Variants in AKAP19 observed in about 807,000 individuals in gnomAD.
The protein encoded by AKAP19 is small A-kinase anchoring protein.
the AKAP19 span, among the ~76,000 whole-genome samples, chr2:190,144,257 AAAAG>A: frequency 6.6e-6 from 1 of 151,096 alleles, no homozygotes; most frequent in African/African-American, 2.4e-5. Flanking sequence ...AGAAAAAAAA[AAAAG>A]AGTTTTTGAG....
the AKAP19 span, chr2:189,917,457 G>A: frequency 1.4e-6 from 1 of 706,196 alleles, no homozygotes; most frequent in Non-Finnish European, 2.5e-6. Flanking sequence ...ATGTTTTTCA[G>A]GAATTACTGG....
chr2:190,130,643 G>T, the AKAP19 span, among the ~76,000 whole-genome samples: 1 of 152,146 alleles, frequency 6.6e-6, no homozygotes, highest in Non-Finnish European at 1.5e-5. Context: ...TTAAAATAAA[G>T]CCTCCTGAGG....
chr2:190,189,480 T>C, the AKAP19 span, among the ~76,000 whole-genome samples: 7 of 151,994 alleles, frequency 4.6e-5, no homozygotes, highest in African/African-American at 1.7e-4. Flanking sequence ...GCAGATGTGA[T>C]AAGTAACTGA....
chr2:189,897,788 T>G, the AKAP19 span, among the ~76,000 whole-genome samples: 1 of 152,318 alleles, frequency 6.6e-6, no homozygotes, highest in Middle Eastern at 3.4e-3. Context: ...TTGTTTTGAA[T>G]AAACAAATAA....
At chr2:190,062,144 C>A in the AKAP19 span, 8 of 1,511,846 alleles carry the variant, frequency 5.3e-6, no homozygotes, top group Non-Finnish European at 7.3e-6. Context: ...TTTAAAAGAG[C>A]CTGAAAATAG....
the AKAP19 span, among the ~76,000 whole-genome samples, chr2:190,055,128 C>G: frequency 6.6e-6 from 1 of 152,066 alleles, no homozygotes; most frequent in African/African-American, 2.4e-5. Flanking sequence ...CACATATACA[C>G]CATGGAATAC....
the AKAP19 span, among the ~76,000 whole-genome samples, chr2:189,939,864 A>C: frequency 6.6e-6 from 1 of 152,186 alleles, no homozygotes; most frequent in Non-Finnish European, 1.5e-5. Context: ...ATACACAGTC[A>C]GTCAGGCATG....
chr2:190,079,282 A>C, the AKAP19 span: 3 of 152,154 alleles, frequency 2.0e-5, no homozygotes, highest in Non-Finnish European at 4.4e-5. Context: ...GAGTCAAGAA[A>C]TTTTTCTCAC....
chr2:190,194,512 A>ACACG, the AKAP19 span, among the ~76,000 whole-genome samples: 1 of 149,860 alleles, frequency 6.7e-6, no homozygotes, highest in African/African-American at 2.5e-5. Context: ...ACACACACAC[A>ACACG]CACACACGCA....
the AKAP19 span, chr2:190,199,855 C>CATAACATGGGCTGCATG: frequency 1.2e-6 from 2 of 1,612,222 alleles, no homozygotes; most frequent in Non-Finnish European, 1.7e-6. Flanking sequence ...AACAGCTCTT[C>CATAACATGGGCTGCATG]ATAACATGGG....
At chr2:189,976,145 G>A in the AKAP19 span, among the ~76,000 whole-genome samples, 1 of 152,290 alleles carries the variant, frequency 6.6e-6, no homozygotes, top group East Asian at 1.9e-4. Context: ...GTGACGTACA[G>A]ATGGGGTTTT....
chr2:190,108,894 A>G, the AKAP19 span, among the ~76,000 whole-genome samples: 1 of 151,942 alleles, frequency 6.6e-6, no homozygotes, highest in Non-Finnish European at 1.5e-5. Context: ...ACAGAAGACT[A>G]ACTTACAAAG....
the AKAP19 span, among the ~76,000 whole-genome samples, chr2:190,182,114 C>A: frequency 6.6e-6 from 1 of 152,208 alleles, no homozygotes; most frequent in Non-Finnish European, 1.5e-5. Flanking sequence ...CTCTGTAGCA[C>A]TCCTGACAGG....
chr2:190,026,417 C>T, the AKAP19 span, among the ~76,000 whole-genome samples: 3 of 151,988 alleles, frequency 2.0e-5, no homozygotes, highest in Admixed American at 1.3e-4. Flanking sequence ...AAAACAGAAA[C>T]GATGTTACAT....
the AKAP19 span, chr2:190,200,296 G>A: frequency 2.9e-6 from 2 of 681,472 alleles, no homozygotes; most frequent in South Asian, 1.9e-5. Context: ...CAACTAGGAT[G>A]AAATGCATTT....
chr2:190,171,895 G>C, the AKAP19 span, among the ~76,000 whole-genome samples: 4,770 of 152,164 alleles, frequency 0.031, 110 homozygotes, highest in African/African-American at 0.063. Flanking sequence ...TGGCATGATT[G>C]GTTCATGCCA....
At chr2:189,929,354 T>G in the AKAP19 span, among the ~76,000 whole-genome samples, 1 of 152,152 alleles carries the variant, frequency 6.6e-6, no homozygotes, top group African/African-American at 2.4e-5. Flanking sequence ...GAGTAACTAT[T>G]TCTCATGAGG....
the AKAP19 span, among the ~76,000 whole-genome samples, chr2:190,177,850 C>A: frequency 6.6e-6 from 1 of 152,196 alleles, no homozygotes; most frequent in Non-Finnish European, 1.5e-5. This position sits in a 1 kb window ranked among gnomAD's most constrained non-coding sequence, Gnocchi z 4.6. Flanking sequence ...CTGTCAACAG[C>A]ATGGACCCTA....
At chr2:189,881,720 C>A in the AKAP19 span, among the ~76,000 whole-genome samples, 5 of 152,122 alleles carry the variant, frequency 3.3e-5, no homozygotes, top group African/African-American at 1.2e-4. Flanking sequence ...AAATTGAAAA[C>A]ATTATTTTGC....
Sources: gnomAD v4.1 joint callset for allele counts (sites outside exome capture counted in the v4.1 genomes callset) on GRCh38, gnomAD v4.1.1 for gene constraint, Gnocchi (gnomAD v3.1) non-coding constraint, MANE v1.5 for transcripts, NCBI Gene and HGNC (gene_info 2026-07-23, HGNC 2026-07-21) for gene names.